CDH12: variants seen among roughly 807,000 people sequenced by gnomAD.
CDH12 encodes the protein cadherin 12.
CDH12 carries 41 observed loss-of-function variants against 74.1 expected under a neutral mutation model. That is an observed-to-expected ratio of 0.55 (90% CI 0.43 to 0.72). The LOEUF is 0.72. CDH12 is among the 30% of genes least tolerant of loss of function. The pLI is 0.00. For missense variants in CDH12, 945 were observed against 977.2 expected (o/e 0.97, Z 0.44); for synonymous variants, 399 against 355.0 (o/e 1.12, Z -1.39).
chr5:22,413,438 A>T (rs80059586), intron 2 of CDH12, among the ~76,000 whole-genome samples: 379 of 152,114 alleles, frequency 2.5e-3, no homozygotes, highest in Non-Finnish European at 4.7e-3. Context: ...CGAAAATGCC[A>T]CAAAACTGTT....
chr5:21,786,235 C>T (rs1746190268), intron 10 of CDH12, among the ~76,000 whole-genome samples: 1 of 152,160 alleles, frequency 6.6e-6, no homozygotes, highest in Non-Finnish European at 1.5e-5. Context: ...CTCACCGCAA[C>T]CTCTGCCTCC....
At chr5:22,051,483 G>C (rs905932838) in intron 5 of CDH12, among the ~76,000 whole-genome samples, 1 of 152,068 alleles carries the variant, frequency 6.6e-6, no homozygotes, top group Non-Finnish European at 1.5e-5. Context: ...TTTTGTTGTT[G>C]CTGTTGGATA....
At chr5:22,823,339 A>C (rs193272641) in intron 1 of CDH12, among the ~76,000 whole-genome samples, 2 of 151,816 alleles carry the variant, frequency 1.3e-5, no homozygotes, top group South Asian at 2.1e-4. Flanking sequence ...CATATGTAAC[A>C]AACCTGCACA....
intron 6 of CDH12, 118 bp from the exon 7 acceptor site, chr5:21,854,908 G>T: frequency 1.4e-6 from 1 of 734,032 alleles, no homozygotes; most frequent in Non-Finnish European, 2.2e-6. Flanking sequence ...TACACCATGA[G>T]TACATGATGT....
intron 1 of CDH12, among the ~76,000 whole-genome samples, chr5:22,551,831 T>A (rs900355420): frequency 7.2e-5 from 11 of 152,218 alleles, no homozygotes; most frequent in African/African-American, 2.7e-4. Context: ...AAAGCTATAC[T>A]TTTCCAAAAT....
At chr5:22,611,687 A>G (rs774806668) in intron 1 of CDH12, among the ~76,000 whole-genome samples, 1 of 152,120 alleles carries the variant, frequency 6.6e-6, no homozygotes, top group Non-Finnish European at 1.5e-5. Context: ...GGCCAAATAA[A>G]TAATTACACT....
chr5:22,381,290 C>G (rs562928374), intron 3 of CDH12, among the ~76,000 whole-genome samples: 1 of 151,996 alleles, frequency 6.6e-6, no homozygotes, highest in African/African-American at 2.4e-5. Flanking sequence ...AAAAATTATG[C>G]CTTTGATCTG....
At chr5:22,730,863 T>C (rs918363362) in intron 1 of CDH12, among the ~76,000 whole-genome samples, 3 of 151,818 alleles carry the variant, frequency 2.0e-5, no homozygotes, top group African/African-American at 7.2e-5. Flanking sequence ...AAAACTACAA[T>C]AGACACAATA....
intron 1 of CDH12, among the ~76,000 whole-genome samples, chr5:22,543,232 A>G (rs758850198): frequency 1.3e-5 from 2 of 152,170 alleles, no homozygotes; most frequent in South Asian, 4.1e-4. Flanking sequence ...AAACTTGTAA[A>G]TCAAGAACAA....
rs181589454 is a variant in CDH12 at position 22,677,234 on chromosome 5, C to T, written c.-522-171870G>A. Among the ~76,000 whole-genome samples the T allele has an allele frequency of 6.6e-5, 10 of 152,144 alleles. No homozygotes were observed. In the East Asian group the frequency reaches 1.6e-3, roughly 24 times the overall value. The stretch of plus-strand genomic sequence containing the variant: ...CACACACTCTGTCTCAAGGTAAGTG[C>T]CTTAGTCTGATTAGGCTAGTATAAG... On this transcript the variant is annotated intron_variant, in intron 1 of 14. Transcript: ENST00000382254.
At chr5:22,078,395 T>C (rs1005259262) in intron 5 of CDH12, 51 bp downstream of exon 5, 1 of 1,497,036 alleles carries the variant, frequency 6.7e-7, no homozygotes, top group South Asian at 1.1e-5. Flanking sequence ...AAATACACAA[T>C]GCATATTCCC....
intron 1 of CDH12, among the ~76,000 whole-genome samples, chr5:22,640,990 T>A (rs1334789393): frequency 6.6e-6 from 1 of 152,222 alleles, no homozygotes; most frequent in East Asian, 1.9e-4. Flanking sequence ...TTCTGCCAAC[T>A]TCCCCCACTT....
chr5:22,326,836 A>ATTTGTT (rs1365375137), intron 3 of CDH12, among the ~76,000 whole-genome samples: 1 of 152,150 alleles, frequency 6.6e-6, no homozygotes, highest in African/African-American at 2.4e-5. Flanking sequence ...TCCAAAAGGC[A>ATTTGTT]GTGTTGTATA....
intron 3 of CDH12, among the ~76,000 whole-genome samples, chr5:22,261,873 G>A (rs978474917): frequency 3.3e-5 from 5 of 151,624 alleles, no homozygotes; most frequent in Non-Finnish European, 7.4e-5. Flanking sequence ...TTCATGGCAG[G>A]TGGCTTACCC....
At chr5:22,494,846 T>G (rs1426279912) in intron 2 of CDH12, among the ~76,000 whole-genome samples, 1 of 152,186 alleles carries the variant, frequency 6.6e-6, no homozygotes, top group East Asian at 1.9e-4. Flanking sequence ...GAGTACTCTG[T>G]GATGAGGCTG....
intron 3 of CDH12, among the ~76,000 whole-genome samples, chr5:22,300,665 A>G (rs1580498259): frequency 6.6e-6 from 1 of 152,236 alleles, no homozygotes; most frequent in Non-Finnish European, 1.5e-5. Context: ...AAATGTTATG[A>G]AACATTTCTC....
At chr5:22,742,526 G>T (rs7705310) in intron 1 of CDH12, among the ~76,000 whole-genome samples, 127,548 of 152,022 alleles carry the variant, frequency 0.84, 53,572 homozygotes, top group Non-Finnish European at 0.86. Context: ...ACTCTGCTAT[G>T]TATCTGCCTA....
chr5:22,444,078 T>C lies in CDH12; in HGVS notation c.-427-38727A>G, dbSNP rs138717983. ...CATAAGAGGCTAAAATAACAAATGA[T>C]AACATTGATATTTTTAATTAAAATA... On this transcript the variant is annotated intron_variant, in intron 2 of 14. Coordinates refer to ENST00000382254, the MANE Select transcript of CDH12 (RefSeq NM_004061.5). Among the ~76,000 whole-genome samples, 1,391 of 152,142 alleles carry C rather than the reference T, an allele frequency of 9.1e-3. 8 individuals are homozygous for C. The highest frequency in any genetic ancestry group is 0.016 in the Non-Finnish European group (1,103 of 67,952).
At chr5:21,773,347 A>G (rs1579674012) in intron 11 of CDH12, among the ~76,000 whole-genome samples, 3 of 152,134 alleles carry the variant, frequency 2.0e-5, no homozygotes, top group East Asian at 1.9e-4. Context: ...CCCACCCTCA[A>G]TTCAGGTGGG....
Sources: allele counts gnomAD v4.1 joint callset (sites outside exome capture counted in the v4.1 genomes callset), GRCh38; gene constraint gnomAD v4.1.1; transcripts MANE v1.5; gene names NCBI Gene and HGNC (gene_info 2026-07-23, HGNC 2026-07-21).